Variants in GRID2 observed in about 807,000 individuals in gnomAD.
GRID2 encodes glutamate receptor ionotropic, delta-2.
Under a neutral mutation model 114.8 loss-of-function variants are expected in GRID2, and 33 were observed. That is an observed-to-expected ratio of 0.29 (90% CI 0.22 to 0.38). GRID2 has a LOEUF of 0.38. Among genes scored for constraint, GRID2 ranks in the 10% least tolerant of loss-of-function variants. The pLI is 1.00. For synonymous variants in GRID2, 505 were observed against 449.9 expected, an observed-to-expected ratio of 1.12 and a Z score of -1.55; for missense variants, 1,184 against 1,257.7, an observed-to-expected ratio of 0.94 and a Z score of 0.89.
intron 1 of GRID2, among the ~76,000 whole-genome samples, chr4:92,342,802 G>T (rs188973131): frequency 1.3e-5 from 2 of 152,142 alleles, no homozygotes; most frequent in Non-Finnish European, 2.9e-5. Flanking sequence ...AAAACTGGCA[G>T]CTGCTTCCCA....
At chr4:93,694,572 T>C (rs1726847797) in intron 14 of GRID2, among the ~76,000 whole-genome samples, 1 of 152,216 alleles carries the variant, frequency 6.6e-6, no homozygotes. Context: ...TCCATGATTT[T>C]AAAATACAAA....
chr4:93,628,700 A>C (rs142108886), intron 14 of GRID2, among the ~76,000 whole-genome samples: 4 of 151,592 alleles, frequency 2.6e-5, no homozygotes, highest in Non-Finnish European at 5.9e-5. Flanking sequence ...TTGATTATTG[A>C]TTAGTTATGG....
intron 15 of GRID2, among the ~76,000 whole-genome samples, chr4:93,771,068 A>G (rs1734068964): frequency 1.3e-5 from 2 of 152,180 alleles, no homozygotes; most frequent in Admixed American, 6.5e-5. Flanking sequence ...AGATCCTATG[A>G]AAAAATATTT....
At chr4:93,365,089 A>T (rs1055707606) in intron 8 of GRID2, among the ~76,000 whole-genome samples, 3 of 151,844 alleles carry the variant, frequency 2.0e-5, no homozygotes, top group African/African-American at 7.3e-5. Flanking sequence ...TTTCACCTAG[A>T]TTTTCATTGT....
chr4:93,598,072 T>C (rs2149633361), intron 13 of GRID2, among the ~76,000 whole-genome samples: 1 of 152,284 alleles, frequency 6.6e-6, no homozygotes, highest in East Asian at 1.9e-4. Context: ...ATATACTCTA[T>C]ACATTCTCTG....
chr4:92,552,647 T>G (rs1188716693), intron 1 of GRID2, among the ~76,000 whole-genome samples: 2 of 152,160 alleles, frequency 1.3e-5, no homozygotes, highest in African/African-American at 4.8e-5. Flanking sequence ...TCAGCTACAG[T>G]AGATGACTCT....
chr4:92,519,710 C>G (rs1030245661), intron 1 of GRID2, among the ~76,000 whole-genome samples: 1 of 151,708 alleles, frequency 6.6e-6, no homozygotes, highest in Non-Finnish European at 1.5e-5. Context: ...CTCCATTTAG[C>G]AAGCTGAGAC....
At chr4:93,587,592 A>G in intron 13 of GRID2, among the ~76,000 whole-genome samples, 1 of 152,048 alleles carries the variant, frequency 6.6e-6, no homozygotes, top group South Asian at 2.1e-4. Flanking sequence ...CCATGGCCTC[A>G]TTTTAGTATT....
intron 2 of GRID2, among the ~76,000 whole-genome samples, chr4:92,958,754 T>TA (rs1752597450): frequency 6.6e-6 from 1 of 152,074 alleles, no homozygotes; most frequent in Non-Finnish European, 1.5e-5. Context: ...GTATAATTTC[T>TA]TCCTTGAATG....
At chr4:93,041,621 G>A (rs1725525880) in intron 2 of GRID2, among the ~76,000 whole-genome samples, 1 of 152,042 alleles carries the variant, frequency 6.6e-6, no homozygotes, top group Non-Finnish European at 1.5e-5. Context: ...TACAAATGAT[G>A]AAAACTAACT....
intron 8 of GRID2, among the ~76,000 whole-genome samples, chr4:93,292,772 G>A (rs1201840482): frequency 6.6e-6 from 1 of 152,156 alleles, no homozygotes; most frequent in Admixed American, 6.5e-5. Context: ...GAAACATAAA[G>A]TTTGGCTTGC....
rs1046176999 is a variant in GRID2, at chr4:93,453,135, G to A, written c.1546-2527G>A. Reference sequence around the variant, plus strand: ...TTCCCACCTATGAGTGAGAACATGCGGTGTTTGGTTTTCTGTCCTTGCTTG... The same window carrying A: ...TTCCCACCTATGAGTGAGAACATGCAGTGTTTGGTTTTCTGTCCTTGCTTG... On this transcript the variant is annotated intron_variant, in intron 10 of 15. Coordinates refer to ENST00000282020, the MANE Select transcript of GRID2 (RefSeq NM_001510.4). 8.8e-5 allele frequency among the ~76,000 whole-genome samples: 13 copies of A among 148,096 alleles called. 1 individual carries two copies. The East Asian group carries it at 2.4e-3, about 28-fold the overall frequency.
intron 1 of GRID2, among the ~76,000 whole-genome samples, chr4:92,442,374 T>C (rs529200546): frequency 0.057 from 8,650 of 151,718 alleles, 288 homozygotes; most frequent in South Asian, 0.087. Context: ...TAGGAGGAAT[T>C]CCGGGCTGCG....
At position 93,606,228 on chromosome 4, in the gene GRID2, C is replaced by G. The variant is rs560829715; in HGVS notation, c.2194-20041C>G. On this transcript the variant is annotated intron_variant, in intron 13 of 15. Transcript: ENST00000282020. ...ACTGCAGTGAGCTGAGATCACGCCT[C>G]TGCACTCCAACCTGGGCGACAAAGA... 8.5e-5 allele frequency among the ~76,000 whole-genome samples: 13 copies of G among 152,052 alleles called. No homozygotes were observed. In the East Asian group the frequency reaches 2.5e-3, roughly 30 times the overall value.
chr4:92,945,501 A>G (rs1358274511), intron 2 of GRID2, among the ~76,000 whole-genome samples: 1 of 152,162 alleles, frequency 6.6e-6, no homozygotes, highest in Admixed American at 6.5e-5. Context: ...TACCAAGACA[A>G]TTAATACTGT....
intron 4 of GRID2, among the ~76,000 whole-genome samples, chr4:93,143,131 C>G (rs1735914875): frequency 6.6e-6 from 1 of 152,144 alleles, no homozygotes; most frequent in South Asian, 2.1e-4. Flanking sequence ...AGAAGTTTAT[C>G]TAAGAAAATA....
intron 1 of GRID2, among the ~76,000 whole-genome samples, chr4:92,482,041 C>T (rs1439559998): frequency 1.3e-4 from 10 of 79,258 alleles, no homozygotes; most frequent in South Asian, 1.2e-3. Flanking sequence ...TATAAAATAA[C>T]AATACAAGCT....
intron 13 of GRID2, among the ~76,000 whole-genome samples, chr4:93,518,864 G>C (rs1730061690): frequency 6.6e-6 from 1 of 152,058 alleles, no homozygotes; most frequent in African/African-American, 2.4e-5. Context: ...GATGTTCCAA[G>C]AATATGAAGG....
intron 14 of GRID2, among the ~76,000 whole-genome samples, chr4:93,704,680 C>G (rs1333294331): frequency 6.6e-6 from 1 of 152,120 alleles, no homozygotes; most frequent in East Asian, 1.9e-4. Context: ...TTTTTAGCTC[C>G]CACTAGTAAG....
Sources: allele counts gnomAD v4.1 joint callset (sites outside exome capture counted in the v4.1 genomes callset), GRCh38; gene constraint gnomAD v4.1.1; transcripts MANE v1.5; gene names NCBI Gene and HGNC (gene_info 2026-07-23, HGNC 2026-07-21).